NIPAL3: variants seen among roughly 807,000 people sequenced by gnomAD.
NIPAL3 encodes NIPA like domain containing 3.
A neutral mutation model predicts 47.2 loss-of-function variants in NIPAL3; 41 were observed. The observed-to-expected ratio is 0.87, with a 90% CI of 0.68 to 1.13. The LOEUF is 1.13. Ranked by LOEUF, NIPAL3 falls within the 50% of genes most tolerant of loss-of-function variation. The pLI, the probability that NIPAL3 is intolerant of heterozygous loss-of-function variation, is 0.00. For synonymous variants in NIPAL3, 194 were observed against 209.6 expected (o/e 0.93, Z 0.64); for missense variants, 449 against 530.1 (o/e 0.85, Z 1.50).
chr1:24,423,124 T>C (rs2148752307), intron 2 of NIPAL3, among the ~76,000 whole-genome samples: 1 of 152,354 alleles, frequency 6.6e-6, no homozygotes, highest in Middle Eastern at 3.4e-3. Context: ...ATTCAGGAGC[T>C]ACTGGTCAGC....
Position 24,469,431 on chromosome 1 carries a change from T to G in NIPAL3, c.*246T>G. On this transcript the variant is annotated 3_prime_UTR_variant, in exon 12 of 12. Coordinates refer to ENST00000374399, the MANE Select transcript of NIPAL3 (RefSeq NM_020448.5). ...GATAGAATCCAGCCTCTGCCTGGATTAGCCCAGGGGGATTTGGAAAGCCTT... is the reference window on the plus strand; with the variant it reads ...GATAGAATCCAGCCTCTGCCTGGATGAGCCCAGGGGGATTTGGAAAGCCTT... The G allele has an allele frequency of 2.1e-6, 1 of 467,022 alleles. No individual in the cohort carries two copies. The highest frequency in any genetic ancestry group is 3.8e-6 in the Non-Finnish European group (1 of 261,158). The allele number at this position is 467,022 out of a possible 1,614,324, so 28.9% of individuals were successfully genotyped here.
At position 24,451,277 on chromosome 1, in the gene NIPAL3, G is replaced by A. The variant is rs995554047; in HGVS notation, c.540+1651G>A. Among the ~76,000 whole-genome samples, 7 of 152,184 alleles carry A rather than the reference G, an allele frequency of 4.6e-5. No homozygotes were observed. Among genetic ancestry groups the A allele is most frequent in the African/African-American group, 7.2e-5 (3 of 41,444 alleles). The stretch of plus-strand genomic sequence containing the variant: ...TTTATTGAGCGTCTGCTGTGTGCTA[G>A]ACACTATGGTTATAAAAAATAAATG... On this transcript the variant is annotated intron_variant, in intron 6 of 11. Coordinates refer to ENST00000374399, the MANE Select transcript of NIPAL3 (RefSeq NM_020448.5). The surrounding 1 kb of genome is among the most constrained non-coding windows in gnomAD (Gnocchi z 4.5).
Position 24,449,503 on chromosome 1 carries a change from T to A in NIPAL3, c.417T>A (p.Val139=). 6.2e-7 allele frequency: 1 copy of A among 1,613,864 alleles called. No individual in the cohort carries two copies. The highest frequency in any genetic ancestry group is 2.2e-5 in the East Asian group (1 of 44,872). Reference sequence around the variant, plus strand: ...CAGGGCGCTACGTCTTGTCCTTTGTTGGCTGCGGTTTGGCTGTCGTGGGTA... The same window carrying A: ...CAGGGCGCTACGTCTTGTCCTTTGTAGGCTGCGGTTTGGCTGTCGTGGGTA... ...DFLRRYVLSF[V]GCGLAVVGTY... is the part of the protein sequence containing the mutation. The change falls in exon 6 of 12, where the codon GTT becomes GTA. Residue 139 remains valine (V), a synonymous_variant. Coordinates refer to ENST00000374399, the MANE Select transcript of NIPAL3 (RefSeq NM_020448.5). This position sits in a 1 kb window ranked among gnomAD's most constrained non-coding sequence, Gnocchi z 4.5.
At chr1:24,432,834 A>T (rs1480125516) in intron 2 of NIPAL3, among the ~76,000 whole-genome samples, 1 of 152,228 alleles carries the variant, frequency 6.6e-6, no homozygotes, top group Non-Finnish European at 1.5e-5. Context: ...CATCATCTCT[A>T]ATCTTTACAA....
intron 2 of NIPAL3, among the ~76,000 whole-genome samples, chr1:24,438,821 G>A (rs1312218900): frequency 6.6e-6 from 1 of 152,216 alleles, no homozygotes; most frequent in Non-Finnish European, 1.5e-5. Flanking sequence ...CCAGCATAGA[G>A]CATTCCTTGG....
At chr1:24,463,089 G>C (rs1646548186) in intron 10 of NIPAL3, among the ~76,000 whole-genome samples, 1 of 152,180 alleles carries the variant, frequency 6.6e-6, no homozygotes. Context: ...CTGGGGGGCT[G>C]AGGCAGGAGG....
At chr1:24,423,986 A>G (rs61263268) in intron 2 of NIPAL3, among the ~76,000 whole-genome samples, 3,604 of 152,312 alleles carry the variant, frequency 0.024, 147 homozygotes, top group African/African-American at 0.083. Flanking sequence ...CCTGTGATGA[A>G]TGAATGCCAA....
intron 5 of NIPAL3, among the ~76,000 whole-genome samples, chr1:24,446,069 CGTGTG>C (rs1402331534): frequency 2.7e-5 from 4 of 147,736 alleles, no homozygotes; most frequent in East Asian, 2.0e-4. Context: ...AGATTATAGT[CGTGTG>C]TGTGTGTGTG....
In NIPAL3 at chr1:24,454,609, A is replaced by G. The variant is rs1646110649; in HGVS notation, c.637+1105A>G. On this transcript the variant is annotated intron_variant, in intron 7 of 11. Coordinates refer to ENST00000374399, the MANE Select transcript of NIPAL3 (RefSeq NM_020448.5). The surrounding 1 kb of genome is among the most constrained non-coding windows in gnomAD (Gnocchi z 4.1). ...AAAGTTCACCTGTTTAAAGTATACA[A>G]TTCAGTGGTTTTTAGTATTTCATAG... The G allele has an allele frequency of 2.2e-6, 2 of 913,922 alleles. No individual in the cohort carries two copies. Among genetic ancestry groups the G allele is most frequent in the Non-Finnish European group, 1.3e-6 (1 of 764,924 alleles). 56.6% of individuals were successfully genotyped at this position (913,922 alleles called of 1,614,324 possible).
intron 7 of NIPAL3, 37 bp downstream of exon 7, chr1:24,453,541 C>A: frequency 6.8e-7 from 1 of 1,478,922 alleles, no homozygotes; most frequent in African/African-American, 1.4e-5. Context: ...TTTGCCACCA[C>A]CAAGAAGCAC....
Position 24,471,948 on chromosome 1 carries a change from G to C in NIPAL3, c.*2763G>C, listed in dbSNP as rs984963264. ...GGCTATTTAGATGTGTCAAACCCGG[G>C]TGATCATTAATAATTTGGGCATATA... On this transcript the variant is annotated 3_prime_UTR_variant, in exon 12 of 12. Transcript: ENST00000374399. The C allele has an allele frequency of 6.6e-6, 1 of 152,004 alleles. No individual in the cohort carries two copies. Among genetic ancestry groups the C allele is most frequent in the African/African-American group, 2.4e-5 (1 of 41,362 alleles). The allele number at this position is 152,004 out of a possible 1,614,324, so 9.4% of individuals were successfully genotyped here. A position where few individuals can be genotyped will look rare whatever the true frequency, so the allele number is the denominator to read the frequency against.
Position 24,454,349 on chromosome 1 carries a change from T to C in NIPAL3, c.637+845T>C. 9.2e-7 allele frequency: 1 copy of C among 1,085,726 alleles called. No homozygotes were observed. Among genetic ancestry groups the C allele is most frequent in the Non-Finnish European group, 1.1e-6 (1 of 889,004 alleles). 67.3% of individuals were successfully genotyped at this position (1,085,726 alleles called of 1,614,324 possible). On this transcript the variant is annotated intron_variant, in intron 7 of 11. Coordinates refer to ENST00000374399, the MANE Select transcript of NIPAL3 (RefSeq NM_020448.5). The surrounding 1 kb of genome is among the most constrained non-coding windows in gnomAD (Gnocchi z 4.1). The stretch of plus-strand genomic sequence containing the variant: ...CCTCAGGCTAATGACCCTCCCTCCT[T>C]AAGCCACGCTGTCCACTTCTCTAAA...
At chr1:24,421,004 T>G (rs1225449858) in intron 2 of NIPAL3, among the ~76,000 whole-genome samples, 3 of 152,146 alleles carry the variant, frequency 2.0e-5, no homozygotes, top group Admixed American at 2.0e-4. Flanking sequence ...TTACTGGGAT[T>G]TATTGAAAAT....
At position 24,451,411 on chromosome 1, in the gene NIPAL3, A is replaced by C. The variant is rs1645929229; in HGVS notation, c.540+1785A>C. On this transcript the variant is annotated intron_variant, in intron 6 of 11. Coordinates refer to ENST00000374399, the MANE Select transcript of NIPAL3 (RefSeq NM_020448.5). This position sits in a 1 kb window ranked among gnomAD's most constrained non-coding sequence, Gnocchi z 4.5. ...AGTGTTCATTTTAGAATCATGGAGA[A>C]CGGGCCACATGTGGTGGCTCACACC... Among the ~76,000 whole-genome samples, 1 of 152,192 alleles carries C rather than the reference A, an allele frequency of 6.6e-6. No individual in the cohort carries two copies. Among genetic ancestry groups the C allele is most frequent in the Non-Finnish European group, 1.5e-5 (1 of 68,032 alleles).
At chr1:24,432,289 G>A (rs1196750902) in intron 2 of NIPAL3, among the ~76,000 whole-genome samples, 1 of 152,040 alleles carries the variant, frequency 6.6e-6, no homozygotes, top group Non-Finnish European at 1.5e-5. Flanking sequence ...CACCATGCCC[G>A]GCTAATTTTG....
Position 24,470,001 on chromosome 1 carries a change from A to G in NIPAL3, c.*816A>G, listed in dbSNP as rs1409155813. On this transcript the variant is annotated 3_prime_UTR_variant, in exon 12 of 12. Coordinates refer to ENST00000374399, the MANE Select transcript of NIPAL3 (RefSeq NM_020448.5). ...GCACCACTTAAAAAAGGATAGGTAG[A>G]AAATCTGGCCATTTTATGTGTTATT... 1 of 152,178 alleles carries G rather than the reference A, an allele frequency of 6.6e-6. No homozygotes were observed. The highest frequency in any genetic ancestry group is 2.4e-5 in the African/African-American group (1 of 41,446). The allele number at this position is 152,178 out of a possible 1,614,324, so 9.4% of individuals were successfully genotyped here.
intron 5 of NIPAL3, among the ~76,000 whole-genome samples, chr1:24,446,148 A>T (rs570558384): frequency 6.6e-6 from 1 of 151,610 alleles, no homozygotes; most frequent in South Asian, 2.1e-4. Context: ...AACTAAATGA[A>T]ATAATTTTAG....
chr1:24,453,365 T>C (rs2272934), intron 6 of NIPAL3, 43 bp from the exon 7 acceptor site: 406,479 of 1,477,094 alleles, frequency 0.28, 59,181 homozygotes, highest in East Asian at 0.49. Context: ...TCTCGCCTAC[T>C]TCTGTGGTCC....
intron 11 of NIPAL3, chr1:24,466,174 C>G: frequency 7.3e-7 from 1 of 1,367,460 alleles, no homozygotes; most frequent in South Asian, 1.3e-5. Context: ...CACTCTCAGC[C>G]AGGCCTTGGC....
Sources: allele counts gnomAD v4.1 joint callset (sites outside exome capture counted in the v4.1 genomes callset), GRCh38; gene constraint gnomAD v4.1.1; non-coding constraint Gnocchi (gnomAD v3.1); transcripts MANE v1.5; gene names NCBI Gene and HGNC (gene_info 2026-07-23, HGNC 2026-07-21).